The following BBS9 variants were observed in gnomAD, a reference collection of about 807,000 sequenced individuals.
The protein encoded by BBS9 is Bardet-Biedl syndrome 9.
BBS9 carries 89 observed loss-of-function variants against 117.7 expected under a neutral mutation model. The ratio of observed to expected loss-of-function variants is 0.76; its 90% CI spans 0.64 to 0.90. The LOEUF (loss-of-function observed/expected upper bound fraction) is 0.90. Ranked by LOEUF, BBS9 falls within the 40% of genes least tolerant of loss-of-function variation. The probability of loss-of-function intolerance (pLI) is 0.00; values close to 1 mark genes in which losing one functional copy is unlikely to be tolerated. For synonymous variants in BBS9, 379 were observed against 370.9 expected (o/e 1.02, Z -0.25); for missense variants, 982 against 1,042.2 (o/e 0.94, Z 0.80).
At chr7:33,590,357 T>C (rs1224557960) in intron 21 of BBS9, among the ~76,000 whole-genome samples, 1 of 152,082 alleles carries the variant, frequency 6.6e-6, no homozygotes, top group Non-Finnish European at 1.5e-5. Flanking sequence ...CTTGATTTGA[T>C]GTATATTGTT....
rs114711327 is a variant in BBS9, at chr7:33,542,759, G to C, written c.2521+8583G>C. Among the ~76,000 whole-genome samples the C allele has an allele frequency of 1.2e-4, 15 of 120,996 alleles. No homozygotes were observed. In the South Asian group the frequency reaches 3.7e-3, roughly 30 times the overall value. 79.4% of individuals were successfully genotyped at this position (120,996 alleles called of 152,430 possible). A position where few individuals can be genotyped will look rare whatever the true frequency, so the allele number is the denominator to read the frequency against. On this transcript the variant is annotated intron_variant, in intron 21 of 22. Transcript: ENST00000242067. The stretch of plus-strand genomic sequence containing the variant: ...TATGTGTGTGTATATATATATACAC[G>C]TATGTATATGTGAGTATATATATAT...
At chr7:33,602,212 C>CACACAG (rs1863900676) in intron 21 of BBS9, among the ~76,000 whole-genome samples, 2 of 152,030 alleles carry the variant, frequency 1.3e-5, no homozygotes, top group Admixed American at 1.3e-4. Context: ...AGCTACACAG[C>CACACAG]CCTTTTTTTC....
chr7:33,551,549 C>A (rs1234754329), intron 21 of BBS9, among the ~76,000 whole-genome samples: 3 of 152,052 alleles, frequency 2.0e-5, no homozygotes, highest in Admixed American at 2.0e-4. Flanking sequence ...TTGAAAAACA[C>A]AACATATACC....
chr7:33,363,532 A>C (rs1002466674), intron 16 of BBS9, among the ~76,000 whole-genome samples: 3 of 152,190 alleles, frequency 2.0e-5, no homozygotes, highest in African/African-American at 7.2e-5. Context: ...ATGCAAATCA[A>C]AACAGTTTTA....
chr7:33,311,791 TG>T (rs1480225940), intron 9 of BBS9, among the ~76,000 whole-genome samples: 1 of 150,624 alleles, frequency 6.6e-6, no homozygotes, highest in Non-Finnish European at 1.5e-5. Flanking sequence ...CACTCCAGCC[TG>T]GGCAACAGAG....
rs1363413652 is a variant in BBS9 at position 33,574,443 on chromosome 7, A to G, written c.2522-30422A>G. ...AAGGTAGAGATGATTTCAGATGAAG[A>G]AGATGAGGCCCAGAGAAGCTAAGTA... On this transcript the variant is annotated intron_variant, in intron 21 of 22. Coordinates refer to ENST00000242067, the MANE Select transcript of BBS9 (RefSeq NM_198428.3). 2.0e-5 allele frequency among the ~76,000 whole-genome samples: 3 copies of G among 152,100 alleles called. No homozygotes were observed. In the East Asian group the frequency reaches 5.8e-4, roughly 29 times the overall value.
rs1857775004 is a variant in BBS9 at position 33,571,459 on chromosome 7, T to G, written c.2522-33406T>G. 2.0e-5 allele frequency among the ~76,000 whole-genome samples: 3 copies of G among 152,112 alleles called. No homozygotes were observed. The South Asian group carries it at 6.2e-4, about 32-fold the overall frequency. On this transcript the variant is annotated intron_variant, in intron 21 of 22. Transcript: ENST00000242067. ...CCAGATTAAGGAAAGTCTCTTTTAT[T>G]CTGAGTTTGCTGAAAGTTCTTACCA...
At chr7:33,398,998 C>A (rs1027807535) in intron 19 of BBS9, among the ~76,000 whole-genome samples, 5 of 152,124 alleles carry the variant, frequency 3.3e-5, no homozygotes, top group African/African-American at 4.8e-5. Flanking sequence ...TTTTATTTAA[C>A]TCTATATATT....
intron 21 of BBS9, among the ~76,000 whole-genome samples, chr7:33,546,002 T>C (rs1218124706): frequency 1.3e-5 from 2 of 149,778 alleles, no homozygotes; most frequent in South Asian, 2.1e-4. Flanking sequence ...AGCGTGATTT[T>C]GGCTCACTGC....
chr7:33,514,998 A>C (rs906789258), intron 20 of BBS9, among the ~76,000 whole-genome samples: 1 of 152,108 alleles, frequency 6.6e-6, no homozygotes, highest in African/African-American at 2.4e-5. Flanking sequence ...AAAGTACATG[A>C]AGTTCCAAGT....
At chr7:33,453,076 A>G (rs117507214) in intron 19 of BBS9, among the ~76,000 whole-genome samples, 4,709 of 152,326 alleles carry the variant, frequency 0.031, 443 homozygotes, top group Admixed American at 0.21. Flanking sequence ...ACAAACATTC[A>G]TCTCTTCCAA....
intron 5 of BBS9, among the ~76,000 whole-genome samples, chr7:33,182,963 C>T (rs373056465): frequency 3.9e-5 from 6 of 152,222 alleles, no homozygotes; most frequent in African/African-American, 4.8e-5. Context: ...GGGATGGGGA[C>T]ATTTCCATAC....
At chr7:33,621,442 G>T (rs1865401562) in intron 21 of BBS9, among the ~76,000 whole-genome samples, 1 of 152,134 alleles carries the variant, frequency 6.6e-6, no homozygotes, top group Non-Finnish European at 1.5e-5. Context: ...ATGAATAAAT[G>T]CTCAACATCA....
chr7:33,391,205 G>A (rs6462474), intron 19 of BBS9, among the ~76,000 whole-genome samples: 17,851 of 152,070 alleles, frequency 0.12, 1,140 homozygotes, highest in African/African-American at 0.17. Context: ...TTTACTTGAT[G>A]GATTAGTCAA....
rs148386829 is a variant in BBS9, at chr7:33,604,874, C to G, written c.2531C>G (p.Thr844Ser). The G allele has an allele frequency of 6.2e-7, 1 of 1,610,748 alleles. No individual in the cohort carries two copies. Among genetic ancestry groups the G allele is most frequent in the Non-Finnish European group, 8.5e-7 (1 of 1,177,238 alleles). ...PQTMVMPGGCTTIPESDLEER... is the reference protein window; with the variant it reads ...PQTMVMPGGCSTIPESDLEER... ...TGTATTTTTCAACTAGGTGGTTGTA[C>G]TACAATCCCAGAGTCAGACCTAGAA... Residue 844 changes from threonine (T) to serine (S), a missense_variant, in exon 22 of 23, where the codon ACT becomes AGT. By Grantham distance (58) the Thr-to-Ser change is moderately conservative. Coordinates refer to ENST00000242067, the MANE Select transcript of BBS9 (RefSeq NM_198428.3).
chr7:33,358,378 C>G (rs1820026758), intron 16 of BBS9, among the ~76,000 whole-genome samples: 1 of 151,552 alleles, frequency 6.6e-6, no homozygotes, highest in Admixed American at 6.6e-5. Context: ...TCATTGTAGG[C>G]TTTTGTATGT....
intron 19 of BBS9, among the ~76,000 whole-genome samples, chr7:33,481,902 A>T (rs1400667140): frequency 6.6e-6 from 1 of 152,212 alleles, no homozygotes. Flanking sequence ...GCCAATTGGC[A>T]TAATTAATAG....
rs1221141987 is a variant in BBS9, at chr7:33,309,021, T to C, written c.1017-27420T>C. ...GAGTGAGCTTGGTTCATTTATTAGT[T>C]ATGAAATTTTGAGCCAATCTGTCAC... On this transcript the variant is annotated intron_variant, in intron 9 of 22. Coordinates refer to ENST00000242067, the MANE Select transcript of BBS9 (RefSeq NM_198428.3). Among the ~76,000 whole-genome samples the C allele has an allele frequency of 3.9e-5, 6 of 152,338 alleles. No individual in the cohort carries two copies. In the East Asian group the frequency reaches 1.2e-3, roughly 29 times the overall value.
Position 33,193,421 on chromosome 7 carries a change from C to CGTTT in BBS9, c.442+15830_442+15831insGTTT, listed in dbSNP as rs1562773513. ...TTGTCTTCCCCTGTCCCTCTCTCTG[C>CGTTT]CTTTTTTTTTTTTTTTTTTTGTAGT... is the stretch of plus-strand genomic sequence containing the variant. On this transcript the variant is annotated intron_variant, in intron 5 of 22. Coordinates refer to ENST00000242067, the MANE Select transcript of BBS9 (RefSeq NM_198428.3). 5.9e-5 allele frequency among the ~76,000 whole-genome samples: 4 copies of CGTTT among 67,794 alleles called. 1 individual carries two copies. The highest frequency in any genetic ancestry group is 6.6e-5 in the Non-Finnish European group (2 of 30,418). The allele number at this position is 67,794 out of a possible 152,430, so 44.5% of individuals were successfully genotyped here.
Sources: gnomAD v4.1 joint callset for allele counts (sites outside exome capture counted in the v4.1 genomes callset) on GRCh38, gnomAD v4.1.1 for gene constraint, MANE v1.5 for transcripts, NCBI Gene and HGNC (gene_info 2026-07-23, HGNC 2026-07-21) for gene names.